The following RGL1 variants were observed in gnomAD, a reference collection of about 807,000 sequenced individuals.
RGL1 encodes ral guanine nucleotide dissociation stimulator-like 1.
A neutral mutation model predicts 95.2 loss-of-function variants in RGL1; 24 were observed. The observed-to-expected ratio is 0.25, with a 90% CI of 0.18 to 0.35. The LOEUF (loss-of-function observed/expected upper bound fraction) is 0.35. RGL1 is among the 10% of genes least tolerant of loss of function. The pLI, the probability that RGL1 is intolerant of heterozygous loss-of-function variation, is 1.00. For missense variants in RGL1, 715 were observed against 936.3 expected, an observed-to-expected ratio of 0.76 and a Z score of 3.08; for synonymous variants, 329 against 344.9, an observed-to-expected ratio of 0.95 and a Z score of 0.51.
exon 1 of RGL1, chr1:183,636,350 G>C (rs1649532106): frequency 2.5e-6 from 1 of 395,456 alleles, no homozygotes; most frequent in Admixed American, 4.4e-5. Context: ...CGCTGCTAGA[G>C]GCTGCGTTCC....
At chr1:183,893,601 T>C (rs1001793154) in intron 9 of RGL1, among the ~76,000 whole-genome samples, 13 of 152,186 alleles carry the variant, frequency 8.5e-5, no homozygotes, top group Admixed American at 7.9e-4. Flanking sequence ...GGTTAGTCGA[T>C]CCTATAAGGG....
chr1:183,922,756 T>G (rs12567907), intron 17 of RGL1, among the ~76,000 whole-genome samples: 44,071 of 152,062 alleles, frequency 0.29, 6,620 homozygotes, highest in East Asian at 0.49. Flanking sequence ...TGTAATAATT[T>G]CTCATCATTT....
At chr1:183,801,223 G>A (rs1484498967), upstream of RGL1, among the ~76,000 whole-genome samples, 3 of 151,318 alleles carry the variant, frequency 2.0e-5, no homozygotes, top group East Asian at 5.8e-4. Flanking sequence ...ATCTCATTAT[G>A]GTTTTGGTGT....
At chr1:183,752,483 C>T (rs1423466562) in intron 2 of RGL1, among the ~76,000 whole-genome samples, 1 of 152,126 alleles carries the variant, frequency 6.6e-6, no homozygotes, top group Non-Finnish European at 1.5e-5. Context: ...CCTCGGCCTC[C>T]CAAAGTGCTG....
chr1:183,820,301 C>T (rs1662382952), intron 2 of RGL1, among the ~76,000 whole-genome samples: 1 of 151,966 alleles, frequency 6.6e-6, no homozygotes, highest in Non-Finnish European at 1.5e-5. Flanking sequence ...TAATTTGAAT[C>T]GTTTGTGATA....
chr1:183,649,240 A>T (rs1650541285), intron 1 of RGL1, among the ~76,000 whole-genome samples: 1 of 152,242 alleles, frequency 6.6e-6, no homozygotes, highest in Non-Finnish European at 1.5e-5. Flanking sequence ...TAACAGAATG[A>T]ATATAAAATG....
upstream of RGL1, among the ~76,000 whole-genome samples, chr1:183,804,224 A>G (rs889984872): frequency 1.3e-5 from 2 of 151,490 alleles, no homozygotes; most frequent in African/African-American, 4.9e-5. Flanking sequence ...GAAGGTGATT[A>G]AATTCATTTA....
intron 7 of RGL1, 24 bp downstream of exon 7, chr1:183,884,962 C>A (rs774992282): frequency 1.3e-6 from 2 of 1,597,660 alleles, no homozygotes; most frequent in Non-Finnish European, 1.7e-6. Flanking sequence ...ATAAAATATT[C>A]TTTGTGTTTG....
At chr1:183,763,554 A>G (rs1408274646) in intron 2 of RGL1, among the ~76,000 whole-genome samples, 2 of 152,166 alleles carry the variant, frequency 1.3e-5, no homozygotes, top group African/African-American at 4.8e-5. Context: ...TATTATTCAC[A>G]GTATCTGGCA....
chr1:183,912,930 C>T (rs1037637362), intron 15 of RGL1, among the ~76,000 whole-genome samples: 7 of 152,134 alleles, frequency 4.6e-5, no homozygotes, highest in African/African-American at 1.7e-4. Flanking sequence ...CCACATTCCA[C>T]ATAAGTAAAT....
intron 1 of RGL1, among the ~76,000 whole-genome samples, chr1:183,732,676 C>A (rs535148446): frequency 6.6e-6 from 1 of 152,266 alleles, no homozygotes; most frequent in African/African-American, 2.4e-5. Context: ...TCATTTAATG[C>A]AGCCCTTGGA....
chr1:183,742,042 A>C (rs1572355095), intron 1 of RGL1: 1 of 1,087,508 alleles, frequency 9.2e-7, no homozygotes, highest in East Asian at 2.4e-5. Context: ...ACTAGTCAGA[A>C]GTCAAGCATG....
At chr1:183,678,483 T>G (rs776108691) in intron 1 of RGL1, among the ~76,000 whole-genome samples, 4 of 152,222 alleles carry the variant, frequency 2.6e-5, no homozygotes, top group Non-Finnish European at 4.4e-5. Flanking sequence ...GGCACTATAA[T>G]GGAATATGTG....
intron 2 of RGL1, among the ~76,000 whole-genome samples, chr1:183,790,424 T>C (rs189440571): frequency 4.2e-4 from 64 of 152,330 alleles, no homozygotes; most frequent in African/African-American, 1.4e-3. Flanking sequence ...AGCTTGAGTC[T>C]GGTATGGATT....
intron 1 of RGL1, among the ~76,000 whole-genome samples, chr1:183,734,852 G>C (rs980599234): frequency 1.3e-5 from 2 of 152,146 alleles, no homozygotes; most frequent in Non-Finnish European, 2.9e-5. Flanking sequence ...TGTGATCTCA[G>C]CTCTGTTCTG....
chr1:183,803,823 C>T (rs1011572299), upstream of RGL1, among the ~76,000 whole-genome samples: 2 of 152,174 alleles, frequency 1.3e-5, no homozygotes, highest in African/African-American at 4.8e-5. Context: ...GTAGGGCCTT[C>T]ACATGATTTT....
intron 2 of RGL1, among the ~76,000 whole-genome samples, chr1:183,789,950 T>A (rs1437245848): frequency 2.0e-5 from 3 of 150,862 alleles, no homozygotes; most frequent in Non-Finnish European, 4.4e-5. Context: ...TGAGACGGAG[T>A]CTCACTCTTG....
intron 2 of RGL1, among the ~76,000 whole-genome samples, chr1:183,761,714 A>T (rs565784762): frequency 1.3e-5 from 2 of 152,214 alleles, no homozygotes; most frequent in Admixed American, 6.5e-5. Flanking sequence ...CTCTCTAGCT[A>T]TGATAGTCCA....
chr1:183,849,528 G>C (rs1664693660), intron 3 of RGL1, among the ~76,000 whole-genome samples: 2 of 112,348 alleles, frequency 1.8e-5, no homozygotes, highest in South Asian at 3.0e-4. Context: ...ATCTCGCTCT[G>C]TCTCCAGGCT....
Sources: gnomAD v4.1 joint callset for allele counts (sites outside exome capture counted in the v4.1 genomes callset) on GRCh38, gnomAD v4.1.1 for gene constraint, MANE v1.5 for transcripts, NCBI Gene and HGNC (gene_info 2026-07-23, HGNC 2026-07-21) for gene names.